FRMD4A: variants seen among roughly 807,000 people sequenced by gnomAD.
FRMD4A encodes FERM domain-containing protein 4A.
FRMD4A carries 29 observed loss-of-function variants against 129.1 expected under a neutral mutation model. That is an observed-to-expected ratio of 0.22 (90% CI 0.17 to 0.31). The LOEUF (loss-of-function observed/expected upper bound fraction) is 0.31, where lower values mean the gene tolerates loss of function less well. Among genes scored for constraint, FRMD4A ranks in the 10% least tolerant of loss-of-function variants. The pLI is 1.00. For synonymous variants in FRMD4A, 634 were observed against 571.6 expected (o/e 1.11, Z -1.56); for missense variants, 1,272 against 1,375.8 (o/e 0.92, Z 1.19).
intron 2 of FRMD4A, among the ~76,000 whole-genome samples, chr10:14,136,800 C>A (rs1012544140): frequency 3.3e-5 from 5 of 152,190 alleles, no homozygotes; most frequent in African/African-American, 1.2e-4. Context: ...CCCCGACCAC[C>A]TTGGGCACAT....
intron 2 of FRMD4A, among the ~76,000 whole-genome samples, chr10:13,902,175 C>G (rs2094827225): frequency 2.0e-5 from 3 of 152,020 alleles, no homozygotes; most frequent in Admixed American, 2.0e-4. Context: ...TACCACTATA[C>G]CTGGCTAATT....
At chr10:14,145,879 T>G (rs984189883) in intron 2 of FRMD4A, among the ~76,000 whole-genome samples, 3 of 152,200 alleles carry the variant, frequency 2.0e-5, no homozygotes, top group Admixed American at 6.5e-5. Context: ...TGCAACCATT[T>G]CCATTTAGAG....
In FRMD4A at chr10:13,785,149, G is replaced by C. The variant is rs570467957; in HGVS notation, c.300-2143C>G. 2.6e-4 allele frequency among the ~76,000 whole-genome samples: 39 copies of C among 152,176 alleles called. 1 individual carries two copies. The South Asian group carries it at 7.7e-3, about 30-fold the overall frequency. ...TCTACACACTAAATAAATAAATAAAGCTTTCTATCATTTTTCAAATGTGTG... is the reference window on the plus strand; with the variant it reads ...TCTACACACTAAATAAATAAATAAACCTTTCTATCATTTTTCAAATGTGTG... On this transcript the variant is annotated intron_variant, in intron 5 of 24. Coordinates refer to ENST00000357447, the MANE Select transcript of FRMD4A (RefSeq NM_018027.5).
intron 16 of FRMD4A, among the ~76,000 whole-genome samples, chr10:13,674,172 T>C (rs1181356299): frequency 6.6e-6 from 1 of 152,198 alleles, no homozygotes; most frequent in Non-Finnish European, 1.5e-5. Flanking sequence ...CCAAGTGAGA[T>C]CGTGGTTTCC....
At chr10:13,651,873 G>C in intron 24 of FRMD4A, 30 bp downstream of exon 24, 1 of 1,085,892 alleles carries the variant, frequency 9.2e-7, no homozygotes. Flanking sequence ...AGACTCATGG[G>C]CAGTAGGAAC....
intron 2 of FRMD4A, among the ~76,000 whole-genome samples, chr10:14,028,708 C>T (rs558733006): frequency 6.6e-6 from 1 of 152,262 alleles, no homozygotes; most frequent in Middle Eastern, 3.4e-3. Context: ...GTATCGATAT[C>T]CATACTCCCA....
At chr10:14,006,751 C>T (rs1440017874) in intron 2 of FRMD4A, among the ~76,000 whole-genome samples, 1 of 152,184 alleles carries the variant, frequency 6.6e-6, no homozygotes, top group East Asian at 1.9e-4. Context: ...CACCTAACAT[C>T]ACACTCAATA....
At chr10:13,830,877 C>T (rs1012692662) in intron 3 of FRMD4A, among the ~76,000 whole-genome samples, 25 of 152,270 alleles carry the variant, frequency 1.6e-4, no homozygotes, top group Admixed American at 1.3e-3. Flanking sequence ...GCAACCTCTG[C>T]CTCCCGGGTT....
At chr10:14,102,400 G>A (rs1165352271) in intron 2 of FRMD4A, among the ~76,000 whole-genome samples, 1 of 152,162 alleles carries the variant, frequency 6.6e-6, no homozygotes, top group Non-Finnish European at 1.5e-5. Context: ...GGTGGCGCAG[G>A]CCTATAGTCC....
chr10:13,990,261 C>T (rs1420926811), intron 2 of FRMD4A, among the ~76,000 whole-genome samples: 1 of 152,184 alleles, frequency 6.6e-6, no homozygotes. Context: ...CTTGGCTGTG[C>T]TTCTGGGTCT....
intron 2 of FRMD4A, among the ~76,000 whole-genome samples, chr10:14,231,616 G>A (rs760825204): frequency 6.4e-4 from 97 of 152,298 alleles, no homozygotes; most frequent in Non-Finnish European, 1.1e-3. Flanking sequence ...AAAGTGCTGG[G>A]ATTACAGGCG....
rs185581530 is a variant in FRMD4A at position 13,919,990 on chromosome 10, C to T, written c.46-61078G>A. ...AAACAAACTAACACAATTGCATGTGCGCCTGACCTAGCTTACATAACACAA... is the reference window on the plus strand; with the variant it reads ...AAACAAACTAACACAATTGCATGTGTGCCTGACCTAGCTTACATAACACAA... On this transcript the variant is annotated intron_variant, in intron 2 of 24. Transcript: ENST00000357447. 1.6e-3 allele frequency among the ~76,000 whole-genome samples: 245 copies of T among 152,146 alleles called. 2 individuals are homozygous for T. The highest frequency in any genetic ancestry group is 0.01 in the East Asian group (54 of 5,174).
intron 2 of FRMD4A, among the ~76,000 whole-genome samples, chr10:14,237,130 T>A (rs1447340361): frequency 6.6e-6 from 1 of 151,694 alleles, no homozygotes; most frequent in East Asian, 1.9e-4. Context: ...TTCTTGGCCA[T>A]ATGTAGGGTG....
intron 2 of FRMD4A, among the ~76,000 whole-genome samples, chr10:13,982,604 A>G (rs1456624678): frequency 6.6e-6 from 1 of 152,156 alleles, no homozygotes; most frequent in African/African-American, 2.4e-5. Context: ...CGCTGCTCAG[A>G]GAGGCCAAGA....
intron 2 of FRMD4A, among the ~76,000 whole-genome samples, chr10:13,994,162 C>T (rs1263363066): frequency 6.8e-6 from 1 of 147,326 alleles, no homozygotes; most frequent in African/African-American, 2.5e-5. Context: ...GAGTGTGCCA[C>T]CACGCCCAGC....
chr10:14,236,578 A>G (rs778025785), intron 2 of FRMD4A, among the ~76,000 whole-genome samples: 6 of 152,112 alleles, frequency 3.9e-5, no homozygotes, highest in Non-Finnish European at 5.9e-5. Context: ...GCCTCTGTGG[A>G]TGCTGAGGAC....
chr10:14,268,843 CAG>C (rs1845067749), intron 2 of FRMD4A, among the ~76,000 whole-genome samples: 1 of 151,186 alleles, frequency 6.6e-6, no homozygotes, highest in Non-Finnish European at 1.5e-5. Context: ...CTAATTTTTC[CAG>C]AGTTTCTACG....
intron 2 of FRMD4A, among the ~76,000 whole-genome samples, chr10:14,182,371 C>G (rs1841940829): frequency 6.6e-6 from 1 of 152,094 alleles, no homozygotes; most frequent in African/African-American, 2.4e-5. Flanking sequence ...AAGACACTGT[C>G]TCTACAAAAA....
At chr10:14,127,912 T>G (rs190763328) in intron 2 of FRMD4A, among the ~76,000 whole-genome samples, 598 of 3,442 alleles carry the variant, frequency 0.17, 2 homozygotes, top group African/African-American at 0.37. Flanking sequence ...TTTGCTTTCT[T>G]TCTTTCTTTC....
Sources: gnomAD v4.1 joint callset for allele counts (sites outside exome capture counted in the v4.1 genomes callset) on GRCh38, gnomAD v4.1.1 for gene constraint, MANE v1.5 for transcripts, NCBI Gene and HGNC (gene_info 2026-07-23, HGNC 2026-07-21) for gene names.